Variants in CHCHD3 observed in about 807,000 individuals in gnomAD.
The protein encoded by CHCHD3 is coiled-coil-helix-coiled-coil-helix domain containing 3.
A neutral mutation model predicts 38.2 loss-of-function variants in CHCHD3; 20 were observed. That is an observed-to-expected ratio of 0.52 (90% CI 0.37 to 0.76). The LOEUF is 0.76. Ranked by LOEUF, CHCHD3 falls within the 30% of genes least tolerant of loss-of-function variation. The probability of loss-of-function intolerance (pLI) is 0.00; values close to 1 mark genes in which losing one functional copy is unlikely to be tolerated. For missense variants in CHCHD3, 245 were observed against 279.2 expected, an observed-to-expected ratio of 0.88 and a Z score of 0.87; for synonymous variants, 82 against 100.0, an observed-to-expected ratio of 0.82 and a Z score of 1.07.
intron 4 of CHCHD3, among the ~76,000 whole-genome samples, chr7:132,935,242 G>C (rs1280439389): frequency 6.6e-6 from 1 of 152,184 alleles, no homozygotes; most frequent in African/African-American, 2.4e-5. Flanking sequence ...ATGAGCAAAA[G>C]TAAAACTAGT....
intron 2 of CHCHD3, among the ~76,000 whole-genome samples, chr7:133,062,436 T>C (rs1000194114): frequency 3.3e-5 from 5 of 152,214 alleles, no homozygotes; most frequent in African/African-American, 1.2e-4. Flanking sequence ...ATTTCACAAA[T>C]CTTGAAGCAT....
intron 3 of CHCHD3, among the ~76,000 whole-genome samples, chr7:133,014,631 A>G (rs1247383032): frequency 6.6e-6 from 1 of 152,126 alleles, no homozygotes; most frequent in Non-Finnish European, 1.5e-5. Context: ...ATCAAGCAAC[A>G]CAAATATATA....
At chr7:132,931,744 C>T (rs138606357) in intron 4 of CHCHD3, among the ~76,000 whole-genome samples, 2 of 152,168 alleles carry the variant, frequency 1.3e-5, no homozygotes, top group Non-Finnish European at 2.9e-5. Flanking sequence ...TAACTATCTA[C>T]ACTCTGACTG....
At chr7:132,955,173 G>GGGGTGTGTGTGTGTGTGTGTGTGTGTGT (rs138213006) in intron 4 of CHCHD3, among the ~76,000 whole-genome samples, 73 of 126,278 alleles carry the variant, frequency 5.8e-4, no homozygotes, top group African/African-American at 9.4e-4. Flanking sequence ...TCCCTCAGAG[G>GGGGTGTGTGTGTGTGTGTGTGTGTGTGT]GTGTGTGTGT....
intron 6 of CHCHD3, among the ~76,000 whole-genome samples, chr7:132,835,311 T>A (rs1164255113): frequency 6.6e-6 from 1 of 152,162 alleles, no homozygotes; most frequent in African/African-American, 2.4e-5. Flanking sequence ...ACTAGGAAAT[T>A]CGAAGGATTT....
At chr7:132,797,301 C>G (rs1184850901) in intron 6 of CHCHD3, among the ~76,000 whole-genome samples, 4 of 152,106 alleles carry the variant, frequency 2.6e-5, no homozygotes, top group Admixed American at 6.5e-5. Context: ...ATGCTCTACG[C>G]CCAAACTCCC....
At chr7:133,061,809 A>T (rs1814524796) in intron 2 of CHCHD3, among the ~76,000 whole-genome samples, 1 of 152,222 alleles carries the variant, frequency 6.6e-6, no homozygotes, top group African/African-American at 2.4e-5. Context: ...TGTCATAAGC[A>T]TGCCATAGCA....
Position 132,865,811 on chromosome 7 carries a change from C to T in CHCHD3, c.453+19851G>A, listed in dbSNP as rs114988357. On this transcript the variant is annotated intron_variant, in intron 5 of 7. Coordinates refer to ENST00000262570, the MANE Select transcript of CHCHD3 (RefSeq NM_017812.4). ...GGAGGAGGTAACGATTGGTTAGCTG[C>T]TTAATTGATCACAGGTTCAGATTAT... is the stretch of plus-strand genomic sequence containing the variant. 3.0e-3 allele frequency among the ~76,000 whole-genome samples: 458 copies of T among 152,246 alleles called. 1 individual carries two copies. The highest frequency in any genetic ancestry group is 0.011 in the African/African-American group (439 of 41,556).
chr7:132,882,071 T>C (rs962404332), intron 5 of CHCHD3, among the ~76,000 whole-genome samples: 5 of 152,172 alleles, frequency 3.3e-5, no homozygotes, highest in African/African-American at 1.2e-4. Flanking sequence ...TTATACACAA[T>C]GGAAAGTAAG....
chr7:132,833,270 G>A (rs1807693333), intron 6 of CHCHD3, among the ~76,000 whole-genome samples: 1 of 152,136 alleles, frequency 6.6e-6, no homozygotes, highest in African/African-American at 2.4e-5. Context: ...TAGTTGGATT[G>A]AGAAAAGAAA....
At chr7:132,790,171 C>CT (rs987965461) in intron 7 of CHCHD3, among the ~76,000 whole-genome samples, 3 of 152,244 alleles carry the variant, frequency 2.0e-5, no homozygotes, top group Admixed American at 2.0e-4. Context: ...TAGAAGTTAA[C>CT]TTTTTTCTGC....
chr7:132,888,644 C>A (rs531396979), intron 4 of CHCHD3, among the ~76,000 whole-genome samples: 5 of 151,732 alleles, frequency 3.3e-5, no homozygotes, highest in African/African-American at 1.2e-4. Flanking sequence ...AAAGCAACAA[C>A]TAAGAGTGAA....
At chr7:132,819,775 T>A (rs1219527234) in intron 6 of CHCHD3, among the ~76,000 whole-genome samples, 3 of 152,122 alleles carry the variant, frequency 2.0e-5, no homozygotes, top group Admixed American at 2.0e-4. Context: ...ATGAGACAGG[T>A]CCTAACAAAA....
chr7:132,986,315 C>T (rs12666492), intron 3 of CHCHD3, among the ~76,000 whole-genome samples: 6 of 148,628 alleles, frequency 4.0e-5, no homozygotes, highest in African/African-American at 1.2e-4. Flanking sequence ...CCTTTGTTCA[C>T]TTATCTGCTG....
chr7:132,949,104 C>T (rs1235946617), intron 4 of CHCHD3, among the ~76,000 whole-genome samples: 1 of 152,118 alleles, frequency 6.6e-6, no homozygotes, highest in Non-Finnish European at 1.5e-5. Flanking sequence ...CATCAGAAAG[C>T]TCAAATATCA....
At chr7:132,984,716 C>T (rs186612732) in intron 3 of CHCHD3, among the ~76,000 whole-genome samples, 2,392 of 148,850 alleles carry the variant, frequency 0.016, 61 homozygotes, top group African/African-American at 0.057. Context: ...CCGGCCGCTC[C>T]GTCTGAGAAG....
At chr7:132,791,656 C>T (rs1268120182) in intron 7 of CHCHD3, among the ~76,000 whole-genome samples, 1 of 152,162 alleles carries the variant, frequency 6.6e-6, no homozygotes, top group East Asian at 1.9e-4. Flanking sequence ...ATACAGTTCA[C>T]CGGGGAGATG....
At chr7:133,012,230 C>T (rs912977571) in intron 3 of CHCHD3, among the ~76,000 whole-genome samples, 1 of 152,160 alleles carries the variant, frequency 6.6e-6, no homozygotes, top group Non-Finnish European at 1.5e-5. Context: ...AATTGTACAG[C>T]TGACAGATAT....
At chr7:132,996,270 A>C (rs10276900) in intron 3 of CHCHD3, among the ~76,000 whole-genome samples, 108,515 of 152,010 alleles carry the variant, frequency 0.71, 38,888 homozygotes, top group African/African-American at 0.75. Context: ...CGTGCTCTGC[A>C]ATCCAACTGG....
Sources: allele counts gnomAD v4.1 joint callset (sites outside exome capture counted in the v4.1 genomes callset), GRCh38; gene constraint gnomAD v4.1.1; transcripts MANE v1.5; gene names NCBI Gene and HGNC (gene_info 2026-07-23, HGNC 2026-07-21).